Variants in BTAF1 observed in about 807,000 individuals in gnomAD.
BTAF1 encodes the protein B-TFIID TATA-box binding protein associated factor 1.
A neutral mutation model predicts 227.1 loss-of-function variants in BTAF1; 38 were observed. The ratio of observed to expected loss-of-function variants is 0.17; its 90% CI spans 0.13 to 0.22. The LOEUF (loss-of-function observed/expected upper bound fraction) is 0.22. Ranked by LOEUF, BTAF1 falls within the 10% of genes least tolerant of loss-of-function variation. The pLI, the probability that BTAF1 is intolerant of heterozygous loss-of-function variation, is 1.00. For missense variants in BTAF1, 1,598 were observed against 2,204.0 expected, an observed-to-expected ratio of 0.73 and a Z score of 5.51; for synonymous variants, 742 against 751.9, an observed-to-expected ratio of 0.99 and a Z score of 0.21.
intron 19 of BTAF1, among the ~76,000 whole-genome samples, chr10:91,985,736 A>AT (rs1487435661): frequency 1.3e-5 from 2 of 152,066 alleles, no homozygotes; most frequent in African/African-American, 4.8e-5. Flanking sequence ...ATACTTTCTA[A>AT]TTTTTTATTG....
intron 1 of BTAF1, among the ~76,000 whole-genome samples, chr10:91,934,124 A>G (rs1193401624): frequency 6.6e-6 from 1 of 152,228 alleles, no homozygotes; most frequent in African/African-American, 2.4e-5. Flanking sequence ...GTGTATGTGT[A>G]AAGTAAATTA....
chr10:91,995,502 C>G (rs1300795018), intron 23 of BTAF1, among the ~76,000 whole-genome samples: 1 of 151,752 alleles, frequency 6.6e-6, no homozygotes, highest in Admixed American at 6.6e-5. Context: ...TGGTGAAACC[C>G]CCATCTCTAC....
Position 91,992,313 on chromosome 10 carries a change from A to G in BTAF1, c.3045+4A>G. 1 of 1,556,366 alleles carries G rather than the reference A, an allele frequency of 6.4e-7. No individual in the cohort carries two copies. Among genetic ancestry groups the G allele is most frequent in the East Asian group, 2.3e-5 (1 of 44,108 alleles). The stretch of plus-strand genomic sequence containing the variant: ...TATTCTTGTTGAACTTGATGAGGTA[A>G]GTAGTTTTTTTTTTTTTTTAATGCT... On this transcript the variant is annotated splice_donor_region_variant and intron_variant, in intron 21 of 37. Coordinates refer to ENST00000265990, the MANE Select transcript of BTAF1 (RefSeq NM_003972.3).
chr10:91,970,385 AAAAG>A (rs1262853503), intron 14 of BTAF1, among the ~76,000 whole-genome samples: 3 of 152,172 alleles, frequency 2.0e-5, no homozygotes, highest in Admixed American at 6.5e-5. Flanking sequence ...GGCAATTTAC[AAAAG>A]AAAGAGGTTT....
intron 25 of BTAF1, 92 bp downstream of exon 25, chr10:91,997,843 T>C (rs1849244456): frequency 7.6e-7 from 1 of 1,315,882 alleles, no homozygotes; most frequent in Non-Finnish European, 1.1e-6. Context: ...GTACAAAGGC[T>C]CATGCCTGTA....
rs113302162 is a variant in BTAF1, at chr10:91,992,376, A to C, written c.3045+67A>C. ...CAAATATCTGACTTACAAATTGAGA[A>C]CTAAGTTGTATTAGCTTCCAGAGTT... On this transcript the variant is annotated intron_variant, in intron 21 of 37. Coordinates refer to ENST00000265990, the MANE Select transcript of BTAF1 (RefSeq NM_003972.3). 2,067 of 1,388,518 alleles carry C rather than the reference A, an allele frequency of 1.5e-3. 32 individuals carry two copies. In the African/African-American group the frequency reaches 0.026, roughly 17 times the overall value. The allele number at this position is 1,388,518 out of a possible 1,614,324, so 86.0% of individuals were successfully genotyped here.
intron 15 of BTAF1, 80 bp from the exon 16 acceptor site, chr10:91,981,563 C>T: frequency 1.4e-6 from 2 of 1,391,636 alleles, no homozygotes; most frequent in Non-Finnish European, 9.5e-7. Context: ...TTAAAAAAAC[C>T]TCAGTATTCC....
rs1182028904 is a variant in BTAF1, at chr10:91,981,777, A to G, written c.1890A>G (p.Val630=). 1 of 1,613,338 alleles carries G rather than the reference A, an allele frequency of 6.2e-7. No homozygotes were observed. The highest frequency in any genetic ancestry group is 1.1e-5 in the South Asian group (1 of 90,994). ...TCGATTTAAATATGTTGCTAGAAGT[A>G]AAAGCTAGAGCCAAGGTAAGTGTAG... The part of the protein sequence containing the change: ...LPIDLNMLLE[V]KARAKEKTGG... The change falls in exon 16 of 38, where the codon GTA becomes GTG. Residue 630 remains valine, a synonymous_variant. Transcript: ENST00000265990.
chr10:91,988,825 T>G (rs1424498006), intron 19 of BTAF1, among the ~76,000 whole-genome samples: 2 of 152,382 alleles, frequency 1.3e-5, no homozygotes, highest in Non-Finnish European at 1.5e-5. Flanking sequence ...TATATTTGCC[T>G]GTAGCTTTCT....
At chr10:91,985,077 G>A (rs887659318) in intron 19 of BTAF1, among the ~76,000 whole-genome samples, 2 of 151,928 alleles carry the variant, frequency 1.3e-5, no homozygotes, top group African/African-American at 4.8e-5. Context: ...AGATGCATAT[G>A]CCTATGAAAC....
chr10:91,953,909 G>T, intron 6 of BTAF1, 36 bp downstream of exon 6: 1 of 1,609,634 alleles, frequency 6.2e-7, no homozygotes, highest in African/African-American at 1.3e-5. Context: ...CTTAAAACAA[G>T]AGGGCTCTGT....
chr10:91,962,482 TAA>T, intron 11 of BTAF1, 54 bp from the exon 12 acceptor site: 2 of 1,296,984 alleles, frequency 1.5e-6, no homozygotes, highest in Admixed American at 2.4e-5. Context: ...TTAAAATGTT[TAA>T]GCACAGTAAC....
chr10:92,005,844 T>C (rs572461890), intron 25 of BTAF1, among the ~76,000 whole-genome samples: 427 of 152,094 alleles, frequency 2.8e-3, no homozygotes, highest in African/African-American at 9.7e-3. Context: ...AGATCTTTTT[T>C]ATGTCTGGTT....
At chr10:91,987,779 A>G (rs181990669) in intron 19 of BTAF1, among the ~76,000 whole-genome samples, 261 of 151,960 alleles carry the variant, frequency 1.7e-3, no homozygotes, top group Non-Finnish European at 2.3e-3. Flanking sequence ...TTATTTCTCA[A>G]ACTTTCTCCA....
intron 25 of BTAF1, among the ~76,000 whole-genome samples, chr10:92,002,028 A>C (rs1469512394): frequency 6.7e-6 from 1 of 150,356 alleles, no homozygotes; most frequent in Non-Finnish European, 1.5e-5. Context: ...CATATATTCA[A>C]GGTAGAGGAG....
In BTAF1 at chr10:91,948,010, C is replaced by CT. The variant is rs956223905; in HGVS notation, c.401-3385dup. ...GATTGGGTACTTTGTATTGCTTTAT[C>CT]TTTTTTTTATTATTATACTTTAAGT... On this transcript the variant is annotated intron_variant, in intron 4 of 37. Transcript: ENST00000265990. Among the ~76,000 whole-genome samples the CT allele has an allele frequency of 4.0e-5, 6 of 151,748 alleles. No individual in the cohort carries two copies. The East Asian group carries it at 1.2e-3, about 29-fold the overall frequency.
At chr10:91,990,720 G>C (rs1211953008) in intron 20 of BTAF1, among the ~76,000 whole-genome samples, 1 of 152,144 alleles carries the variant, frequency 6.6e-6, no homozygotes, top group Non-Finnish European at 1.5e-5. Context: ...CTCAACCTGG[G>C]AGGCGGAGGT....
In BTAF1 at chr10:91,959,410, G is replaced by A. The variant is rs545281814; in HGVS notation, c.990+256G>A. The A allele has an allele frequency of 2.7e-5, 15 of 565,546 alleles. No individual in the cohort carries two copies. In the East Asian group the frequency reaches 2.8e-4, roughly 11 times the overall value. The allele number at this position is 565,546 out of a possible 1,614,324, so 35.0% of individuals were successfully genotyped here. A position where few individuals can be genotyped will look rare whatever the true frequency, so the allele number is the denominator to read the frequency against. ...TAGTATAAATAATAGATATATGACC[G>A]GTGTGCTTGATATGAGAACAACCTT... On this transcript the variant is annotated intron_variant, in intron 9 of 37. Transcript: ENST00000265990.
intron 14 of BTAF1, among the ~76,000 whole-genome samples, chr10:91,973,287 A>G (rs574419408): frequency 1.3e-5 from 2 of 152,228 alleles, no homozygotes; most frequent in South Asian, 4.1e-4. Flanking sequence ...GACCTTTGTC[A>G]GATTTGTCTA....
Sources: gnomAD v4.1 joint callset for allele counts (sites outside exome capture counted in the v4.1 genomes callset) on GRCh38, gnomAD v4.1.1 for gene constraint, MANE v1.5 for transcripts, NCBI Gene and HGNC (gene_info 2026-07-23, HGNC 2026-07-21) for gene names.